APBB2: variants seen among roughly 807,000 people sequenced by gnomAD.
APBB2 encodes the protein Fe65-like 1.
APBB2 carries 38 observed loss-of-function variants against 82.5 expected under a neutral mutation model. The ratio of observed to expected loss-of-function variants is 0.46; its 90% CI spans 0.36 to 0.60. APBB2 has a LOEUF of 0.60. Among genes scored for constraint, APBB2 ranks in the 20% least tolerant of loss-of-function variants. The probability of loss-of-function intolerance (pLI) is 0.00; values close to 1 mark genes in which losing one functional copy is unlikely to be tolerated. For synonymous variants in APBB2, 341 were observed against 368.2 expected, an observed-to-expected ratio of 0.93 and a Z score of 0.85; for missense variants, 772 against 972.3, an observed-to-expected ratio of 0.79 and a Z score of 2.74.
intron 5 of APBB2, 147 bp downstream of exon 5, chr4:41,033,089 C>G: frequency 1.5e-6 from 1 of 681,848 alleles, no homozygotes; most frequent in African/African-American, 1.9e-5. Flanking sequence ...GGCCAAGATT[C>G]ATTTTTCTAT....
chr4:40,948,381 C>T (rs377635322), intron 6 of APBB2, among the ~76,000 whole-genome samples: 1 of 152,016 alleles, frequency 6.6e-6, no homozygotes, highest in Non-Finnish European at 1.5e-5. Flanking sequence ...TCCAGGAGTT[C>T]GAGACACAGC....
At chr4:41,133,160 A>G (rs1756568525) in intron 2 of APBB2, among the ~76,000 whole-genome samples, 1 of 152,214 alleles carries the variant, frequency 6.6e-6, no homozygotes, top group Non-Finnish European at 1.5e-5. Context: ...GTGTGTATAT[A>G]TATCTTATAA....
chr4:41,185,181 A>C (rs77703607), intron 1 of APBB2, among the ~76,000 whole-genome samples: 6,407 of 152,308 alleles, frequency 0.042, 150 homozygotes, highest in Middle Eastern at 0.058. Flanking sequence ...ATTTGGATAG[A>C]TGACTGGCCC....
At chr4:41,060,459 G>C (rs1165100060) in intron 4 of APBB2, among the ~76,000 whole-genome samples, 1 of 152,012 alleles carries the variant, frequency 6.6e-6, no homozygotes, top group Non-Finnish European at 1.5e-5. Flanking sequence ...CCCCTCAGTC[G>C]TGGCTGGCAC....
chr4:40,945,198 G>GT (rs758819287), intron 6 of APBB2, 125 bp from the exon 7 acceptor site: 13 of 704,698 alleles, frequency 1.8e-5, no homozygotes, highest in Non-Finnish European at 3.2e-5. Flanking sequence ...GTTCTTCCTG[G>GT]TATGTTTGTG....
chr4:41,101,102 C>A (rs892376210), intron 2 of APBB2, among the ~76,000 whole-genome samples: 1 of 152,104 alleles, frequency 6.6e-6, no homozygotes, highest in Non-Finnish European at 1.5e-5. Context: ...GAAGGTCTTC[C>A]GAAATCACAC....
intron 12 of APBB2, among the ~76,000 whole-genome samples, chr4:40,865,276 G>A (rs189981964): frequency 3.6e-4 from 55 of 152,266 alleles, no homozygotes; most frequent in African/African-American, 1.3e-3. Context: ...GTCACGGAGG[G>A]CCAAGGAAAA....
intron 12 of APBB2, among the ~76,000 whole-genome samples, chr4:40,843,200 C>T (rs16852547): frequency 0.018 from 2,712 of 152,232 alleles, 83 homozygotes; most frequent in African/African-American, 0.062. Flanking sequence ...GGATAGATAA[C>T]GAGGAGGAAA....
chr4:40,949,699 T>C (rs1429630654), intron 6 of APBB2, among the ~76,000 whole-genome samples: 1 of 151,944 alleles, frequency 6.6e-6, no homozygotes, highest in Non-Finnish European at 1.5e-5. Context: ...AATTACTTAG[T>C]GAAGCTTTGC....
At chr4:41,098,222 A>G (rs1269475003) in intron 3 of APBB2, among the ~76,000 whole-genome samples, 2 of 152,038 alleles carry the variant, frequency 1.3e-5, no homozygotes, top group East Asian at 3.9e-4. Context: ...ATCTCACTCA[A>G]GTGTCAGGCT....
At chr4:40,821,816 T>C (rs1445760142) in intron 17 of APBB2, 55 bp downstream of exon 17, 1 of 1,590,134 alleles carries the variant, frequency 6.3e-7, no homozygotes, top group Non-Finnish European at 8.6e-7. Flanking sequence ...ATGTATGGCA[T>C]ATTAGAGATG....
At chr4:41,112,116 G>A (rs1206801055) in intron 2 of APBB2, among the ~76,000 whole-genome samples, 3 of 152,208 alleles carry the variant, frequency 2.0e-5, no homozygotes, top group East Asian at 1.9e-4. Context: ...CTGTGCACCT[G>A]CAGGTGAGGT....
At chr4:41,104,347 CATTA>C (rs1178688810) in intron 2 of APBB2, among the ~76,000 whole-genome samples, 7 of 152,166 alleles carry the variant, frequency 4.6e-5, no homozygotes, top group Non-Finnish European at 1.0e-4. Context: ...ACTGATATCA[CATTA>C]AGAACTGAAG....
intron 12 of APBB2, among the ~76,000 whole-genome samples, chr4:40,868,294 A>G (rs1764549024): frequency 6.6e-6 from 1 of 152,236 alleles, no homozygotes; most frequent in South Asian, 2.1e-4. Flanking sequence ...TTTGTTTGAA[A>G]AAGACCCACA....
At chr4:40,819,959 G>A (rs1560600096) in intron 17 of APBB2, among the ~76,000 whole-genome samples, 1 of 152,068 alleles carries the variant, frequency 6.6e-6, no homozygotes, top group Non-Finnish European at 1.5e-5. Flanking sequence ...CTACAGGCAT[G>A]TGCCACCACG....
At chr4:40,883,160 G>A (rs1444020545) in intron 12 of APBB2, among the ~76,000 whole-genome samples, 3 of 152,210 alleles carry the variant, frequency 2.0e-5, no homozygotes, top group African/African-American at 7.2e-5. Context: ...ACTGAAGCCA[G>A]TGGACTGCAG....
chr4:41,039,238 C>T (rs1720426430), intron 4 of APBB2, among the ~76,000 whole-genome samples: 1 of 152,196 alleles, frequency 6.6e-6, no homozygotes, highest in Non-Finnish European at 1.5e-5. Context: ...CTAAGGACTG[C>T]AAGACATTTA....
At chr4:40,993,863 C>T (rs1464420371) in intron 6 of APBB2, among the ~76,000 whole-genome samples, 1 of 152,084 alleles carries the variant, frequency 6.6e-6, no homozygotes, top group African/African-American at 2.4e-5. Context: ...AAAGCAGTTC[C>T]TGTGTCAGAA....
chr4:41,198,239 C>T, intron 1 of APBB2, among the ~76,000 whole-genome samples: 1 of 152,198 alleles, frequency 6.6e-6, no homozygotes, highest in East Asian at 1.9e-4. Flanking sequence ...CCACAAGGAA[C>T]ATGTCCTTCT....
Sources: allele counts gnomAD v4.1 joint callset (sites outside exome capture counted in the v4.1 genomes callset), GRCh38; gene constraint gnomAD v4.1.1; transcripts MANE v1.5; gene names NCBI Gene and HGNC (gene_info 2026-07-23, HGNC 2026-07-21).